The following MYO1B variants were observed in gnomAD, a reference collection of about 807,000 sequenced individuals.
MYO1B encodes the protein myosin IB.
Under a neutral mutation model 159.7 loss-of-function variants are expected in MYO1B, and 72 were observed. That is an observed-to-expected ratio of 0.45 (90% CI 0.37 to 0.55). The LOEUF is 0.55. Among genes scored for constraint, MYO1B ranks in the 20% least tolerant of loss-of-function variants. The probability of loss-of-function intolerance (pLI) is 0.00; values close to 1 mark genes in which losing one functional copy is unlikely to be tolerated. For missense variants in MYO1B, 1,062 were observed against 1,364.8 expected (o/e 0.78, Z 3.50); for synonymous variants, 468 against 473.8 (o/e 0.99, Z 0.16).
chr2:191,291,342 G>T (rs1311952062), intron 2 of MYO1B, among the ~76,000 whole-genome samples: 1 of 152,200 alleles, frequency 6.6e-6, no homozygotes, highest in Non-Finnish European at 1.5e-5. Context: ...AAGAATGTTT[G>T]TGCATTCTTG....
chr2:191,248,029 T>G (rs969907864), intron 1 of MYO1B: 1 of 985,290 alleles, frequency 1.0e-6, no homozygotes, highest in African/African-American at 1.7e-5. Context: ...GGTGTTTGGC[T>G]AAGAAGGGAT....
At chr2:191,254,951 A>G (rs1686347730) in intron 1 of MYO1B, among the ~76,000 whole-genome samples, 2 of 152,140 alleles carry the variant, frequency 1.3e-5, no homozygotes, top group Admixed American at 6.5e-5. Context: ...TTTTAGAGAC[A>G]GGGTCTCTCT....
intron 6 of MYO1B, among the ~76,000 whole-genome samples, chr2:191,347,183 C>T (rs1301787727): frequency 1.3e-5 from 2 of 152,180 alleles, no homozygotes; most frequent in East Asian, 1.9e-4. Context: ...CCGTTTGGCT[C>T]TTTCCTCCTT....
chr2:191,390,329 T>C lies in MYO1B; in HGVS notation c.1819T>C (p.Phe607Leu), dbSNP rs1454023037. 1.4e-5 allele frequency: 22 copies of C among 1,614,078 alleles called. No homozygotes were observed. The Admixed American group carries it at 3.5e-4, about 26-fold the overall frequency. Residue 607 changes from phenylalanine to leucine, a missense_variant, in exon 18 of 31, where the codon TTC becomes CTC. Physicochemically the swap from Phe to Leu is conservative, Grantham distance 22 (BLOSUM62 0). Coordinates refer to ENST00000392318, the MANE Select transcript of MYO1B (RefSeq NM_001130158.3). ...KPNDKKAAHI[F>L]NEALVCHQIR... The stretch of plus-strand genomic sequence containing the variant: ...GAATGATAAAAAAGCAGCACACATC[T>C]TCAACGAGGCTCTAGTGTGTCATCA...
intron 1 of MYO1B, among the ~76,000 whole-genome samples, chr2:191,250,833 TTGAA>T (rs1489269998): frequency 6.6e-6 from 1 of 152,210 alleles, no homozygotes; most frequent in Non-Finnish European, 1.5e-5. Context: ...CTGTGAAGCT[TTGAA>T]TGAGTACTGT....
intron 30 of MYO1B, among the ~76,000 whole-genome samples, chr2:191,417,181 C>A (rs929581631): frequency 6.6e-6 from 1 of 152,094 alleles, no homozygotes; most frequent in Non-Finnish European, 1.5e-5. Flanking sequence ...CCATTTCTGC[C>A]CCTTTGTAAG....
At chr2:191,264,295 C>A (rs918384900) in intron 1 of MYO1B, among the ~76,000 whole-genome samples, 1 of 152,042 alleles carries the variant, frequency 6.6e-6, no homozygotes, top group Non-Finnish European at 1.5e-5. Context: ...AATATCTCTG[C>A]CTTTGTTTAC....
At chr2:191,388,421 G>A (rs1396076492) in intron 17 of MYO1B, 1 of 152,186 alleles carries the variant, frequency 6.6e-6, no homozygotes, top group Non-Finnish European at 1.5e-5. Flanking sequence ...CTAGATAGTA[G>A]AAGGTATGTG....
chr2:191,411,825 C>G (rs1697266330), intron 27 of MYO1B, among the ~76,000 whole-genome samples: 1 of 152,210 alleles, frequency 6.6e-6, no homozygotes, highest in South Asian at 2.1e-4. Context: ...CTTACATCTC[C>G]TGCATTCATC....
chr2:191,300,581 A>T (rs557484468), intron 3 of MYO1B, among the ~76,000 whole-genome samples: 1 of 144,206 alleles, frequency 6.9e-6, no homozygotes, highest in South Asian at 2.3e-4. Flanking sequence ...TGACCTCATG[A>T]TCTACCCTCC....
At chr2:191,385,755 T>C in intron 15 of MYO1B, 129 bp from the exon 16 acceptor site, 1 of 981,766 alleles carries the variant, frequency 1.0e-6, no homozygotes, top group East Asian at 2.4e-5. Flanking sequence ...TTTGAGTCTC[T>C]GCTTTTTGTT....
At chr2:191,282,812 G>A (rs181994610) in intron 2 of MYO1B, among the ~76,000 whole-genome samples, 1 of 152,326 alleles carries the variant, frequency 6.6e-6, no homozygotes, top group African/African-American at 2.4e-5. Context: ...AGATGAAGTA[G>A]GGAAGGAAGG....
chr2:191,264,952 CA>C (rs984814730), intron 1 of MYO1B, among the ~76,000 whole-genome samples: 1 of 151,876 alleles, frequency 6.6e-6, no homozygotes, highest in African/African-American at 2.4e-5. Flanking sequence ...GCAGTGTGCC[CA>C]GTGTCTCACT....
At chr2:191,247,986 C>A (rs148520183) in intron 1 of MYO1B, 1 of 985,422 alleles carries the variant, frequency 1.0e-6, no homozygotes, top group Non-Finnish European at 1.2e-6. Flanking sequence ...CGTCTGACAT[C>A]ATGGGGAAGA....
At chr2:191,267,606 C>G (rs1397227301) in intron 1 of MYO1B, among the ~76,000 whole-genome samples, 6 of 152,294 alleles carry the variant, frequency 3.9e-5, no homozygotes, top group African/African-American at 1.4e-4. Context: ...CAGCCATCAC[C>G]TAAGTCTTTC....
intron 1 of MYO1B, among the ~76,000 whole-genome samples, chr2:191,262,143 G>A (rs912784679): frequency 5.3e-5 from 8 of 151,938 alleles, no homozygotes; most frequent in African/African-American, 1.9e-4. Flanking sequence ...CCTAATTCTT[G>A]TTCCTCAACT....
chr2:191,327,324 A>G (rs1265069940), intron 3 of MYO1B, among the ~76,000 whole-genome samples: 3 of 152,232 alleles, frequency 2.0e-5, no homozygotes, highest in Non-Finnish European at 4.4e-5. Flanking sequence ...GCTCTGCCCT[A>G]GAGGAGTTTG....
chr2:191,281,757 C>T (rs1483080464), intron 2 of MYO1B, among the ~76,000 whole-genome samples: 1 of 152,152 alleles, frequency 6.6e-6, no homozygotes, highest in Non-Finnish European at 1.5e-5. Context: ...AACCAGAGAA[C>T]CAAGGTGTCT....
At chr2:191,356,549 AC>A (rs1693304189) in intron 7 of MYO1B, among the ~76,000 whole-genome samples, 1 of 152,120 alleles carries the variant, frequency 6.6e-6, no homozygotes, top group Non-Finnish European at 1.5e-5. Flanking sequence ...ATACAAACAT[AC>A]GTTTACCATG....
Sources: gnomAD v4.1 joint callset for allele counts (sites outside exome capture counted in the v4.1 genomes callset) on GRCh38, gnomAD v4.1.1 for gene constraint, MANE v1.5 for transcripts, NCBI Gene and HGNC (gene_info 2026-07-23, HGNC 2026-07-21) for gene names.